The following DNAJB14 variants were observed in gnomAD, a reference collection of about 807,000 sequenced individuals.
DNAJB14 encodes the protein DnaJ heat shock protein family (Hsp40) member B14.
A neutral mutation model predicts 48.4 loss-of-function variants in DNAJB14; 22 were observed. The ratio of observed to expected loss-of-function variants is 0.45; its 90% CI spans 0.32 to 0.65. The LOEUF (loss-of-function observed/expected upper bound fraction) is 0.65. DNAJB14 is among the 30% of genes least tolerant of loss of function. The probability of loss-of-function intolerance (pLI) is 0.03; values close to 1 mark genes in which losing one functional copy is unlikely to be tolerated. For synonymous variants in DNAJB14, 142 were observed against 158.7 expected (o/e 0.89, Z 0.79); for missense variants, 319 against 458.8 (o/e 0.70, Z 2.78).
At position 99,946,607 on chromosome 4, in the gene DNAJB14, G is replaced by A. The variant is rs1210959912; in HGVS notation, c.-36C>T. 1 of 1,608,010 alleles carries A rather than the reference G, an allele frequency of 6.2e-7. No individual in the cohort carries two copies. Among genetic ancestry groups the A allele is most frequent in the African/African-American group, 1.3e-5 (1 of 74,606 alleles). ...TTCTTCCGTTTCCTCCGGCAGCGCA[G>A]CTAAGAAGGGCGGAAGCCGCCGCCG... On this transcript the variant is annotated 5_prime_UTR_variant, in exon 1 of 8. Coordinates refer to ENST00000442697, the MANE Select transcript of DNAJB14 (RefSeq NM_001031723.4).
chr4:99,942,625 A>C (rs769755026), intron 1 of DNAJB14: 3 of 152,144 alleles, frequency 2.0e-5, no homozygotes, highest in Non-Finnish European at 4.4e-5. Flanking sequence ...AATATTCTCA[A>C]CTAAAAACAT....
chr4:99,913,435 C>T (rs979368769), intron 3 of DNAJB14, among the ~76,000 whole-genome samples: 1 of 151,948 alleles, frequency 6.6e-6, no homozygotes, highest in Non-Finnish European at 1.5e-5. Flanking sequence ...TTAATATAAT[C>T]GTGGGATTTT....
At position 99,912,501 on chromosome 4, in the gene DNAJB14, CAG is replaced by C. The variant is rs1363757835; in HGVS notation, c.452-3607_452-3606del. ...ACTTGACTTTTTTTTTTTTTTAAGA[CAG>C]AGTTTTGCTCTTGTTGTCCTGGCTG... On this transcript the variant is annotated intron_variant, in intron 3 of 7. Transcript: ENST00000442697. 3.3e-5 allele frequency among the ~76,000 whole-genome samples: 5 copies of C among 149,956 alleles called. No homozygotes were observed. In the East Asian group the frequency reaches 9.8e-4, roughly 29 times the overall value.
chr4:99,906,226 A>G, intron 5 of DNAJB14: 1 of 1,353,130 alleles, frequency 7.4e-7, no homozygotes, highest in Non-Finnish European at 9.7e-7. Context: ...AGTACTCTAA[A>G]TTCTTCAGGG....
At chr4:99,921,007 T>C (rs747903195) in intron 3 of DNAJB14, among the ~76,000 whole-genome samples, 1 of 152,208 alleles carries the variant, frequency 6.6e-6, no homozygotes, top group Non-Finnish European at 1.5e-5. Context: ...ATACAGAAGA[T>C]AATGAGAAGA....
chr4:99,905,655 C>G lies in DNAJB14; in HGVS notation c.784G>C (p.Val262Leu), dbSNP rs765775812. The G allele has an allele frequency of 2.8e-5, 45 of 1,612,070 alleles. No individual in the cohort carries two copies. Among genetic ancestry groups the G allele is most frequent in the African/African-American group, 5.3e-5 (4 of 74,778 alleles). The change falls in exon 6 of 8, where the codon GTG becomes CTG. Residue 262 changes from valine to leucine, a missense_variant. Physicochemically the swap from Val to Leu is conservative, Grantham distance 32. Around this residue, in one of 3 missense-constraint regions of DNAJB14, gnomAD observed 166 missense variants for 236.3 expected, o/e 0.70. Coordinates refer to ENST00000442697, the MANE Select transcript of DNAJB14 (RefSeq NM_001031723.4). ...QLMPIIVLILVSLLSQLMVSN... is the reference protein window; with the variant it reads ...QLMPIIVLILLSLLSQLMVSN... ...ACCATCAACTGGCTTAATAATGACA[C>G]GAGGATCAATACAATTATGGGCATC...
Position 99,903,860 on chromosome 4 carries a change from A to C in DNAJB14, c.881T>G (p.Leu294Trp). The change falls in exon 7 of 8, where the codon TTG becomes TGG. Residue 294 changes from leucine to tryptophan, a missense_variant. By Grantham distance (61) the Leu-to-Trp change is moderately conservative (BLOSUM62 -2). Coordinates refer to ENST00000442697, the MANE Select transcript of DNAJB14 (RefSeq NM_001031723.4). ...CTTGTTGACATAATAAACAACACCC[A>C]AGTTTTCTGTTTGCATTTTAATAGT... Reference protein sequence around the residue: ...GQTIKMQTENLGVVYYVNKDF... With the variant: ...GQTIKMQTENWGVVYYVNKDF... 2 of 1,612,432 alleles carry C rather than the reference A, an allele frequency of 1.2e-6. No individual in the cohort carries two copies. Among genetic ancestry groups the C allele is most frequent in the Non-Finnish European group, 1.7e-6 (2 of 1,179,254 alleles).
At position 99,905,627 on chromosome 4, in the gene DNAJB14, G is replaced by A. The variant is rs200924605; in HGVS notation, c.812C>T (p.Ser271Phe). Residue 271 changes from serine to phenylalanine, a missense_variant, in exon 6 of 8, where the codon TCT (serine) becomes TTT (phenylalanine). By Grantham distance (155) the Ser-to-Phe change is radical. Transcript: ENST00000442697. Reference protein sequence around the residue: ...LVSLLSQLMVSNPPYSLYPRS... With the variant: ...LVSLLSQLMVFNPPYSLYPRS... ...GGGATATAAGGAATAAGGAGGATTA[G>A]AGACCATCAACTGGCTTAATAATGA... 78 of 1,611,500 alleles carry A rather than the reference G, an allele frequency of 4.8e-5. No homozygotes were observed. The highest frequency in any genetic ancestry group is 3.1e-5 in the Non-Finnish European group (36 of 1,179,436).
At chr4:99,929,087 TTTTG>T (rs373458347) in intron 2 of DNAJB14, 13 of 153,098 alleles carry the variant, frequency 8.5e-5, no homozygotes, top group South Asian at 2.1e-4. Context: ...AGGAATCCTT[TTTTG>T]TTTGTTTGTT....
At chr4:99,930,376 T>C (rs994597136) in intron 2 of DNAJB14, 74 bp downstream of exon 2, 91 of 1,431,400 alleles carry the variant, frequency 6.4e-5, no homozygotes, top group Non-Finnish European at 7.8e-5. Context: ...TATTTCACTT[T>C]TTTCAGGTGT....
intron 3 of DNAJB14, among the ~76,000 whole-genome samples, chr4:99,913,523 T>C (rs1361574449): frequency 6.6e-6 from 1 of 152,086 alleles, no homozygotes; most frequent in Non-Finnish European, 1.5e-5. Context: ...GAAATAAACT[T>C]CTATTGTTTG....
At chr4:99,905,963 T>A in intron 5 of DNAJB14, 5 of 1,306,416 alleles carry the variant, frequency 3.8e-6, no homozygotes, top group Non-Finnish European at 3.9e-6. Flanking sequence ...TCTTTCTCTT[T>A]CTCTTTCCCG....
In DNAJB14 at chr4:99,946,527, G is replaced by C; in HGVS notation, c.45C>G (p.Ala15=). The change falls in exon 1 of 8, where the codon GCC becomes GCG. Residue 15 remains alanine, a synonymous_variant. Coordinates refer to ENST00000442697, the MANE Select transcript of DNAJB14 (RefSeq NM_001031723.4). ...RDEAEKCVEI[A]REALNAGNRE... is the part of the protein sequence containing the mutation. ...GGTTGCCGGCGTTCAGGGCCTCCCGGGCGATCTCGACACATTTCTCAGCCT... is the reference window on the plus strand; with the variant it reads ...GGTTGCCGGCGTTCAGGGCCTCCCGCGCGATCTCGACACATTTCTCAGCCT... 6.2e-7 allele frequency: 1 copy of C among 1,613,896 alleles called. No homozygotes were observed. The highest frequency in any genetic ancestry group is 8.5e-7 in the Non-Finnish European group (1 of 1,179,814).
intron 3 of DNAJB14, among the ~76,000 whole-genome samples, chr4:99,918,242 C>T (rs2110204488): frequency 6.6e-6 from 1 of 152,228 alleles, no homozygotes; most frequent in African/African-American, 2.4e-5. Context: ...TCTATCTGTC[C>T]ATTCTGCTGT....
In DNAJB14 at chr4:99,946,492, G is replaced by A; in HGVS notation, c.80C>T (p.Ala27Val). The change falls in exon 1 of 8, where the codon GCC becomes GTC. Residue 27 changes from alanine (A) to valine (V), a missense_variant. Physicochemically the swap from Ala to Val is moderately conservative, Grantham distance 64 (BLOSUM62 0). Around this residue, in one of 3 missense-constraint regions of DNAJB14, gnomAD observed 116 missense variants for 134.6 expected, o/e 0.86. Transcript: ENST00000442697. Reference protein sequence around the residue: ...EALNAGNREKAQRFLQKAEKL... With the variant: ...EALNAGNREKVQRFLQKAEKL... ...CTCGGCCTTCTGCAGGAAGCGCTGG[G>A]CCTTCTCGCGGTTGCCGGCGTTCAG... 6.2e-7 allele frequency: 1 copy of A among 1,613,810 alleles called. No homozygotes were observed. Among genetic ancestry groups the A allele is most frequent in the Non-Finnish European group, 8.5e-7 (1 of 1,179,804 alleles).
chr4:99,897,958 C>T lies in DNAJB14; in HGVS notation c.*3070G>A, dbSNP rs912949596. 6.6e-6 allele frequency: 1 copy of T among 151,898 alleles called. No individual in the cohort carries two copies. Among genetic ancestry groups the T allele is most frequent in the Non-Finnish European group, 1.5e-5 (1 of 67,854 alleles). The allele number at this position is 151,898 out of a possible 1,614,324, so 9.4% of individuals were successfully genotyped here. A position where few individuals can be genotyped will look rare whatever the true frequency, so the allele number is the denominator to read the frequency against. ...ATCAAGAAATATTTAGCTGTCTTAA[C>T]ACAGGTGGGAGACTTTTTTTTAATG... On this transcript the variant is annotated 3_prime_UTR_variant, in exon 8 of 8. Transcript: ENST00000442697.
intron 1 of DNAJB14, among the ~76,000 whole-genome samples, chr4:99,941,871 T>C (rs1253477709): frequency 6.6e-6 from 1 of 152,102 alleles, no homozygotes; most frequent in African/African-American, 2.4e-5. Flanking sequence ...TAGCTGAAAT[T>C]TGGAAATCAT....
Position 99,933,100 on chromosome 4 carries a change from A to G in DNAJB14, c.134-2479T>C, listed in dbSNP as rs576003247. On this transcript the variant is annotated intron_variant, in intron 1 of 7. Coordinates refer to ENST00000442697, the MANE Select transcript of DNAJB14 (RefSeq NM_001031723.4). ...AATTGTTGTGCAGCTCTGTTAAAAT[A>G]CTAAAGAAACACTGAATGGTATAAT... 4.6e-5 allele frequency among the ~76,000 whole-genome samples: 7 copies of G among 152,114 alleles called. 1 individual carries two copies. In the South Asian group the frequency reaches 1.2e-3, roughly 27 times the overall value.
At chr4:99,931,539 C>T (rs1374919495) in intron 1 of DNAJB14, among the ~76,000 whole-genome samples, 2 of 151,948 alleles carry the variant, frequency 1.3e-5, no homozygotes, top group Admixed American at 6.6e-5. Flanking sequence ...TGGATTTTAA[C>T]ACATTTCAAT....
Sources: gnomAD v4.1 joint callset for allele counts (sites outside exome capture counted in the v4.1 genomes callset) on GRCh38, gnomAD v4.1.1 for gene constraint, gnomAD v4.1.1 regional missense constraint, MANE v1.5 for transcripts, NCBI Gene and HGNC (gene_info 2026-07-23, HGNC 2026-07-21) for gene names.